Variants in CCDC73 observed in about 807,000 individuals in gnomAD.
CCDC73 encodes coiled-coil domain-containing protein 73.
A neutral mutation model predicts 116.5 loss-of-function variants in CCDC73; 95 were observed. The ratio of observed to expected loss-of-function variants is 0.82; its 90% CI spans 0.69 to 0.97. The LOEUF (loss-of-function observed/expected upper bound fraction) is 0.97, where lower values mean the gene tolerates loss of function less well. Among genes scored for constraint, CCDC73 ranks in the 50% least tolerant of loss-of-function variants. The pLI is 0.00. For missense variants in CCDC73, 1,066 were observed against 1,206.8 expected (o/e 0.88, Z 1.73); for synonymous variants, 398 against 401.3 (o/e 0.99, Z 0.10).
At chr11:32,638,991 A>C (rs1287073337) in intron 13 of CCDC73, among the ~76,000 whole-genome samples, 1 of 151,464 alleles carries the variant, frequency 6.6e-6, no homozygotes, top group Non-Finnish European at 1.5e-5. Flanking sequence ...CTACTAAAGT[A>C]CAAAAAGTTA....
chr11:32,635,953 A>G, intron 13 of CCDC73, 123 bp from the exon 14 acceptor site: 1 of 606,072 alleles, frequency 1.6e-6, no homozygotes. Context: ...TCACAAAGTC[A>G]TTACTAATAT....
At chr11:32,659,529 ATTTT>A (rs1855903158) in intron 9 of CCDC73, among the ~76,000 whole-genome samples, 1 of 152,132 alleles carries the variant, frequency 6.6e-6, no homozygotes, top group African/African-American at 2.4e-5. Flanking sequence ...AGAGGAATTT[ATTTT>A]AAGAGTAGAC....
rs1470385113 is a variant in CCDC73, at chr11:32,755,709, CCA to C, written c.135+4398_135+4399del. ...CATATATATGTGTATATATATATCTCCATATATATGTGTATATATATATCTCC... is the reference window on the plus strand; with the variant it reads ...CATATATATGTGTATATATATATCTCTATATATGTGTATATATATATCTCC... On this transcript the variant is annotated intron_variant, in intron 2 of 17. Coordinates refer to ENST00000335185, the MANE Select transcript of CCDC73 (RefSeq NM_001008391.4). Among the ~76,000 whole-genome samples, 148 of 38,700 alleles carry C rather than the reference CCA, an allele frequency of 3.8e-3. 9 individuals are homozygous for C. Among genetic ancestry groups the C allele is most frequent in the African/African-American group, 0.017 (141 of 8,512 alleles). The allele number at this position is 38,700 out of a possible 152,430, so 25.4% of individuals were successfully genotyped here. A position where few individuals can be genotyped will look rare whatever the true frequency, so the allele number is the denominator to read the frequency against.
At chr11:32,773,708 A>T (rs1449715110) in intron 1 of CCDC73, among the ~76,000 whole-genome samples, 1 of 151,818 alleles carries the variant, frequency 6.6e-6, no homozygotes, top group African/African-American at 2.4e-5. Context: ...TGAGCCCAGG[A>T]GTTCGAGGTA....
Position 32,602,899 on chromosome 11 carries a change from C to G in CCDC73, c.3152G>C (p.Ser1051Thr). ...ATTTTCTAAACTTAGTAAATTTTCA[C>G]TTTTATTTAGTTGATTCGTAATGAG... Reference protein sequence around the residue: ...QSLITNQLNKSENLLSLENDN... With the variant: ...QSLITNQLNKTENLLSLENDN... Residue 1051 changes from serine (S) to threonine (T), a missense_variant, in exon 18 of 18, where the codon AGT (serine) becomes ACT (threonine). Ser to Thr is a moderately conservative substitution (Grantham distance 58). Coordinates refer to ENST00000335185, the MANE Select transcript of CCDC73 (RefSeq NM_001008391.4). 1.2e-6 allele frequency: 2 copies of G among 1,612,230 alleles called. No individual in the cohort carries two copies. Among genetic ancestry groups the G allele is most frequent in the Non-Finnish European group, 1.7e-6 (2 of 1,179,232 alleles).
chr11:32,736,567 G>A (rs574025575), intron 2 of CCDC73, among the ~76,000 whole-genome samples: 1 of 151,618 alleles, frequency 6.6e-6, no homozygotes, highest in Non-Finnish European at 1.5e-5. Context: ...TTGGTGGGAC[G>A]GTAAACTAGT....
At chr11:32,755,766 T>TATATATGTGTATATATATATATCTCC (rs1850333769) in intron 2 of CCDC73, among the ~76,000 whole-genome samples, 3 of 111,894 alleles carry the variant, frequency 2.7e-5, no homozygotes, top group African/African-American at 3.9e-5. Flanking sequence ...TATATCTCCA[T>TATATATGTGTATATATATATATCTCC]ATATATGTGT....
intron 14 of CCDC73, among the ~76,000 whole-genome samples, chr11:32,620,816 A>G (rs1234066206): frequency 3.3e-5 from 5 of 152,068 alleles, no homozygotes; most frequent in Non-Finnish European, 7.4e-5. Flanking sequence ...TTTGTCATCT[A>G]TAACAAAAAT....
chr11:32,612,220 G>A (rs759923414), intron 16 of CCDC73, among the ~76,000 whole-genome samples: 1 of 152,044 alleles, frequency 6.6e-6, no homozygotes, highest in Non-Finnish European at 1.5e-5. Flanking sequence ...AGGTGTCTAA[G>A]TGCACAATGT....
intron 1 of CCDC73, among the ~76,000 whole-genome samples, chr11:32,785,863 G>C (rs1478855767): frequency 6.6e-6 from 1 of 152,106 alleles, no homozygotes; most frequent in Non-Finnish European, 1.5e-5. Flanking sequence ...TCACACAGAG[G>C]AGGTTTCAGT....
intron 6 of CCDC73, among the ~76,000 whole-genome samples, chr11:32,696,116 A>C (rs1856308914): frequency 6.6e-6 from 1 of 152,130 alleles, no homozygotes; most frequent in Non-Finnish European, 1.5e-5. Context: ...ATCAGCTTGA[A>C]AGATTATTGC....
chr11:32,667,940 C>T (rs1270539821), intron 9 of CCDC73, among the ~76,000 whole-genome samples: 2 of 152,194 alleles, frequency 1.3e-5, no homozygotes, highest in Non-Finnish European at 2.9e-5. Flanking sequence ...GTTCTACAGA[C>T]AAAATTTGTC....
At chr11:32,713,746 C>G (rs1328326681) in intron 3 of CCDC73, among the ~76,000 whole-genome samples, 1 of 151,956 alleles carries the variant, frequency 6.6e-6, no homozygotes, top group Non-Finnish European at 1.5e-5. Flanking sequence ...GGAAATTACC[C>G]CTCAGAGCAA....
chr11:32,611,140 T>C lies in CCDC73; in HGVS notation c.3022A>G (p.Thr1008Ala), dbSNP rs1438792241. The C allele has an allele frequency of 6.2e-7, 1 of 1,613,790 alleles. No homozygotes were observed. Among genetic ancestry groups the C allele is most frequent in the South Asian group, 1.1e-5 (1 of 91,030 alleles). The change falls in exon 17 of 18, where the codon ACA becomes GCA. Residue 1008 changes from threonine to alanine, a missense_variant. Thr to Ala is a moderately conservative substitution (Grantham distance 58). Transcript: ENST00000335185. ...ATTTTTAATTGACTTACATGTTCTG[T>C]GGGAAAAGAGGAATCATAAAAAGTC... ...AKTFYDSSFP[T>A]EHVKTKPLIS...
chr11:32,634,310 A>G (rs1855659201), intron 14 of CCDC73, among the ~76,000 whole-genome samples: 1 of 152,214 alleles, frequency 6.6e-6, no homozygotes, highest in South Asian at 2.1e-4. Flanking sequence ...AAAGGATAAT[A>G]TATAATGATC....
chr11:32,661,859 G>A (rs1049521242), intron 9 of CCDC73, among the ~76,000 whole-genome samples: 60 of 148,234 alleles, frequency 4.0e-4, no homozygotes, highest in Admixed American at 9.4e-4. Context: ...AACAGTCCCC[G>A]GAGTGTGATG....
chr11:32,635,807 A>C lies in CCDC73; in HGVS notation c.1074T>G (p.Ile358Met). 5 of 1,208,334 alleles carry C rather than the reference A, an allele frequency of 4.1e-6. No homozygotes were observed. Among genetic ancestry groups the C allele is most frequent in the Non-Finnish European group, 5.3e-6 (5 of 938,288 alleles). The allele number at this position is 1,208,334 out of a possible 1,614,324, so 74.9% of individuals were successfully genotyped here. ...ATGATAATTCATTTTTAATCTTATT[A>C]ATTTCTCCATTAAGTTCTTCAGCCT... ...KRHAEELNGE[I>M]NKIKNELSSL... Residue 358 changes from isoleucine to methionine, a missense_variant, in exon 14 of 18, where the codon ATT (isoleucine) becomes ATG (methionine). By Grantham distance (10) the Ile-to-Met change is conservative (BLOSUM62 1). Coordinates refer to ENST00000335185, the MANE Select transcript of CCDC73 (RefSeq NM_001008391.4).
chr11:32,726,244 T>C (rs764447669), intron 2 of CCDC73, among the ~76,000 whole-genome samples: 5 of 152,134 alleles, frequency 3.3e-5, no homozygotes, highest in Admixed American at 2.0e-4. Flanking sequence ...TAGAAATGGA[T>C]CTACAAGAAG....
chr11:32,760,301 T>G, intron 1 of CCDC73, 43 bp from the exon 2 acceptor site: 1 of 1,165,234 alleles, frequency 8.6e-7, no homozygotes, highest in Non-Finnish European at 1.2e-6. Flanking sequence ...ATTATCTAGG[T>G]TTTTCAAGTA....
Sources: allele counts gnomAD v4.1 joint callset (sites outside exome capture counted in the v4.1 genomes callset), GRCh38; gene constraint gnomAD v4.1.1; transcripts MANE v1.5; gene names NCBI Gene and HGNC (gene_info 2026-07-23, HGNC 2026-07-21).